Variants in NXPH2 observed in about 807,000 individuals in gnomAD.
NXPH2 encodes neurexophilin 2.
In NXPH2, 5 loss-of-function variants were observed where a neutral mutation model predicts 19.8. The observed-to-expected ratio is 0.25, with a 90% CI of 0.13 to 0.53. The LOEUF is 0.53. Among genes scored for constraint, NXPH2 ranks in the 20% least tolerant of loss-of-function variants. The probability of loss-of-function intolerance (pLI) is 0.96; values close to 1 mark genes in which losing one functional copy is unlikely to be tolerated. For missense variants in NXPH2, 289 were observed against 322.8 expected, an observed-to-expected ratio of 0.90 and a Z score of 0.80; for synonymous variants, 154 against 127.4, an observed-to-expected ratio of 1.21 and a Z score of -1.41.
At chr2:138,695,380 T>C (rs1051214441) in intron 1 of NXPH2, among the ~76,000 whole-genome samples, 1 of 152,152 alleles carries the variant, frequency 6.6e-6, no homozygotes, top group African/African-American at 2.4e-5. Flanking sequence ...TTTCTATGAG[T>C]AAATTTATAA....
At chr2:138,711,243 C>T (rs559708690) in intron 1 of NXPH2, among the ~76,000 whole-genome samples, 10 of 150,130 alleles carry the variant, frequency 6.7e-5, no homozygotes, top group South Asian at 2.2e-4. Flanking sequence ...CAGGTTCAAG[C>T]GATTCTCCTG....
At chr2:138,706,919 A>G (rs946289307) in intron 1 of NXPH2, among the ~76,000 whole-genome samples, 1 of 151,520 alleles carries the variant, frequency 6.6e-6, no homozygotes, top group Non-Finnish European at 1.5e-5. Context: ...AAACTAAAAT[A>G]AAGAAAAAAA....
intron 1 of NXPH2, among the ~76,000 whole-genome samples, chr2:138,740,536 A>G (rs1174408952): frequency 1.3e-5 from 2 of 152,206 alleles, no homozygotes; most frequent in African/African-American, 2.4e-5. Context: ...CAATTAAGTT[A>G]CTAAGCCAAT....
At chr2:138,678,633 T>C (rs750299932) in intron 1 of NXPH2, among the ~76,000 whole-genome samples, 16 of 152,228 alleles carry the variant, frequency 1.1e-4, no homozygotes, top group Non-Finnish European at 2.2e-4. Context: ...TGTTAATGTG[T>C]CTGTCATCAC....
intron 1 of NXPH2, among the ~76,000 whole-genome samples, chr2:138,774,021 T>C (rs960198145): frequency 3.3e-5 from 5 of 152,212 alleles, no homozygotes; most frequent in African/African-American, 4.8e-5. Context: ...CCTGAAACCA[T>C]TGCAGTTAGT....
chr2:138,729,613 T>G (rs1421044939), intron 1 of NXPH2, among the ~76,000 whole-genome samples: 4 of 152,238 alleles, frequency 2.6e-5, no homozygotes, highest in Admixed American at 1.3e-4. Context: ...CTGAATTTTT[T>G]GCTATGGCCA....
chr2:138,671,783 C>A (rs950329197), intron 1 of NXPH2, 118 bp from the exon 2 acceptor site: 3 of 1,011,624 alleles, frequency 3.0e-6, no homozygotes, highest in Non-Finnish European at 4.2e-6. Context: ...TGTTCGACAG[C>A]ATTTCACACA....
At chr2:138,706,717 G>A (rs563237427) in intron 1 of NXPH2, among the ~76,000 whole-genome samples, 1 of 152,160 alleles carries the variant, frequency 6.6e-6, no homozygotes, top group African/African-American at 2.4e-5. Flanking sequence ...TTTGAGAACA[G>A]CCTGGGCAAC....
At chr2:138,683,907 T>C (rs1286015186) in intron 1 of NXPH2, among the ~76,000 whole-genome samples, 1 of 152,238 alleles carries the variant, frequency 6.6e-6, no homozygotes, top group Non-Finnish European at 1.5e-5. Flanking sequence ...TGGGGATTTT[T>C]ACAAGATCCT....
rs368714297 is a variant in NXPH2 at position 138,678,237 on chromosome 2, G to A, written c.52-6572C>T. On this transcript the variant is annotated intron_variant, in intron 1 of 1. Transcript: ENST00000272641. ...TATTCTATATTTTTCTCATGATTAC[G>A]CTAGGGTTAGGGGTTTTGAGGAGGA... 6.6e-5 allele frequency among the ~76,000 whole-genome samples: 10 copies of A among 152,228 alleles called. No individual in the cohort carries two copies. The East Asian group carries it at 9.6e-4, about 15-fold the overall frequency.
chr2:138,674,685 C>T (rs1395182530), intron 1 of NXPH2, among the ~76,000 whole-genome samples: 1 of 152,170 alleles, frequency 6.6e-6, no homozygotes, highest in Non-Finnish European at 1.5e-5. Context: ...ACTTGAGTTT[C>T]CTGAGAATGG....
chr2:138,731,871 G>T (rs903775349), intron 1 of NXPH2, among the ~76,000 whole-genome samples: 1 of 152,034 alleles, frequency 6.6e-6, no homozygotes, highest in Non-Finnish European at 1.5e-5. Context: ...AATACGTTTT[G>T]GGCCCCAACA....
chr2:138,774,698 C>T (rs1282854593), intron 1 of NXPH2, among the ~76,000 whole-genome samples: 2 of 152,194 alleles, frequency 1.3e-5, no homozygotes, highest in African/African-American at 4.8e-5. Flanking sequence ...CACTCACACC[C>T]TTGGACCAAC....
rs1279475300 is a variant in NXPH2 at position 138,669,351 on chromosome 2, T to C, written c.*1571A>G. ...AAATATTAATCACCAACCACAAAAT[T>C]ACAAAAACATGTGGTGAACTCAGAG... is the stretch of plus-strand genomic sequence containing the variant. On this transcript the variant is annotated 3_prime_UTR_variant, in exon 2 of 2. Transcript: ENST00000272641. Among the ~76,000 whole-genome samples the C allele has an allele frequency of 6.6e-6, 1 of 152,024 alleles. No homozygotes were observed. Among genetic ancestry groups the C allele is most frequent in the African/African-American group, 2.4e-5 (1 of 41,394 alleles).
At chr2:138,688,509 T>A (rs1680695907) in intron 1 of NXPH2, among the ~76,000 whole-genome samples, 1 of 152,174 alleles carries the variant, frequency 6.6e-6, no homozygotes, top group Non-Finnish European at 1.5e-5. Flanking sequence ...AGTCTTTACC[T>A]AGCTCCCTGT....
intron 1 of NXPH2, among the ~76,000 whole-genome samples, chr2:138,699,969 G>A (rs1231261717): frequency 2.0e-5 from 3 of 152,178 alleles, no homozygotes; most frequent in Admixed American, 1.3e-4. Context: ...GTTCCGTTCA[G>A]GTGCTGAATA....
intron 1 of NXPH2, among the ~76,000 whole-genome samples, chr2:138,677,495 A>C (rs16841039): frequency 0.044 from 6,750 of 152,302 alleles, 456 homozygotes; most frequent in African/African-American, 0.15. Flanking sequence ...TAAATGCAGA[A>C]GCCTTCATCA....
chr2:138,712,591 C>T (rs1681121048), intron 1 of NXPH2, among the ~76,000 whole-genome samples: 1 of 152,142 alleles, frequency 6.6e-6, no homozygotes, highest in South Asian at 2.1e-4. Flanking sequence ...TTGGTTTATC[C>T]CCTGACCAAA....
chr2:138,773,964 TTTTG>T (rs1289311553), intron 1 of NXPH2, among the ~76,000 whole-genome samples: 2 of 152,198 alleles, frequency 1.3e-5, no homozygotes, highest in Non-Finnish European at 2.9e-5. Context: ...ATGCCAGTTT[TTTTG>T]TTTGTTTTAT....
Sources: allele counts gnomAD v4.1 joint callset (sites outside exome capture counted in the v4.1 genomes callset), GRCh38; gene constraint gnomAD v4.1.1; transcripts MANE v1.5; gene names NCBI Gene and HGNC (gene_info 2026-07-23, HGNC 2026-07-21).